Variants in TCF4 observed in about 807,000 individuals in gnomAD.
TCF4 encodes the protein SL3-3 enhancer factor 2.
TCF4 carries 3 observed loss-of-function variants against 82.1 expected under a neutral mutation model. That is an observed-to-expected ratio of 0.04 (90% confidence interval 0.02 to 0.09). TCF4 has a LOEUF of 0.09. Ranked by LOEUF, TCF4 falls within the 10% of genes least tolerant of loss-of-function variation. The probability of loss-of-function intolerance (pLI) is 1.00; values close to 1 mark genes in which losing one functional copy is unlikely to be tolerated. For missense variants in TCF4, 518 were observed against 852.7 expected, an observed-to-expected ratio of 0.61 and a Z score of 4.89; for synonymous variants, 276 against 309.6, an observed-to-expected ratio of 0.89 and a Z score of 1.14.
chr18:55,483,521 A>G (rs2096471735), intron 3 of TCF4, among the ~76,000 whole-genome samples: 2 of 152,218 alleles, frequency 1.3e-5, no homozygotes. Context: ...AGTGATTTCT[A>G]TAGTAAAAAT....
upstream of TCF4, chr18:55,589,499 T>C: frequency 4.8e-6 from 5 of 1,052,052 alleles, no homozygotes; most frequent in Admixed American, 5.5e-5. Flanking sequence ...ACCATAAAAC[T>C]GCAACAAAAT....
intron 3 of TCF4, among the ~76,000 whole-genome samples, chr18:55,574,581 C>A (rs1418997623): frequency 6.6e-6 from 1 of 152,132 alleles, no homozygotes; most frequent in Non-Finnish European, 1.5e-5. Flanking sequence ...TCAAATGATC[C>A]GCCTGCCTTG....
chr18:55,549,784 T>C (rs1365798109), intron 3 of TCF4, among the ~76,000 whole-genome samples: 3 of 151,998 alleles, frequency 2.0e-5, no homozygotes, highest in African/African-American at 4.8e-5. Flanking sequence ...ATAAGAAATA[T>C]AGATAGGAAT....
intron 3 of TCF4, among the ~76,000 whole-genome samples, chr18:55,564,399 G>A (rs2097382980): frequency 6.6e-6 from 1 of 152,226 alleles, no homozygotes; most frequent in South Asian, 2.1e-4. Flanking sequence ...GTGAAATATG[G>A]ATTCAACAGG....
chr18:55,381,728 C>T (rs1383790957), intron 6 of TCF4, among the ~76,000 whole-genome samples: 2 of 151,590 alleles, frequency 1.3e-5, no homozygotes, highest in Admixed American at 6.6e-5. Flanking sequence ...CGGTTTTATA[C>T]TCAATCCCGC....
intron 10 of TCF4, among the ~76,000 whole-genome samples, chr18:55,274,367 A>G (rs1438135892): frequency 1.3e-5 from 2 of 152,180 alleles, no homozygotes; most frequent in East Asian, 3.9e-4. Context: ...GGCCAATACC[A>G]TTTCCACTGT....
At chr18:55,276,189 TA>T (rs1023210995) in intron 9 of TCF4, among the ~76,000 whole-genome samples, 1 of 152,182 alleles carries the variant, frequency 6.6e-6, no homozygotes, top group South Asian at 2.1e-4. Flanking sequence ...GTATTAATTT[TA>T]AAAAATCTCA....
chr18:55,447,659 C>A (rs2095549519), intron 5 of TCF4, among the ~76,000 whole-genome samples: 1 of 152,076 alleles, frequency 6.6e-6, no homozygotes, highest in Non-Finnish European at 1.5e-5. Flanking sequence ...TACTGAGGAC[C>A]ATATGATTGC....
chr18:55,441,484 T>C (rs1458790484), intron 5 of TCF4, among the ~76,000 whole-genome samples: 1 of 152,232 alleles, frequency 6.6e-6, no homozygotes, highest in Non-Finnish European at 1.5e-5. Flanking sequence ...GTCCATGTTC[T>C]GGCAGTCTTT....
chr18:55,302,599 G>A, intron 8 of TCF4: 1 of 1,529,708 alleles, frequency 6.5e-7, no homozygotes, highest in Non-Finnish European at 8.7e-7. Flanking sequence ...AGGGAGAGAG[G>A]GAACTTCATG....
At chr18:55,509,468 C>G (rs928325286) in intron 3 of TCF4, among the ~76,000 whole-genome samples, 1 of 152,124 alleles carries the variant, frequency 6.6e-6, no homozygotes, top group African/African-American at 2.4e-5. Context: ...TTTGATGTCT[C>G]TCTTGACAGT....
chr18:55,266,872 G>T (rs1384600832), intron 11 of TCF4: 1 of 152,142 alleles, frequency 6.6e-6, no homozygotes, highest in Admixed American at 6.6e-5. Context: ...TTACAGAGAG[G>T]TTCCCTTCCG....
intron 6 of TCF4, among the ~76,000 whole-genome samples, chr18:55,352,247 T>G (rs2082461555): frequency 1.3e-5 from 2 of 152,118 alleles, no homozygotes; most frequent in South Asian, 4.1e-4. Flanking sequence ...CCTAAATAGC[T>G]CAACAAAGTG....
intron 3 of TCF4, among the ~76,000 whole-genome samples, chr18:55,486,263 G>T (rs78805214): frequency 2.0e-5 from 3 of 152,156 alleles, no homozygotes; most frequent in Non-Finnish European, 4.4e-5. Context: ...AAAAGGAGAC[G>T]GAAGTTTCCT....
At chr18:55,617,543 T>C (rs1289023541) in intron 2 of TCF4, among the ~76,000 whole-genome samples, 1 of 152,102 alleles carries the variant, frequency 6.6e-6, no homozygotes, top group Non-Finnish European at 1.5e-5. Context: ...ATTTAAGCAA[T>C]ATTGTCTTCC....
intron 3 of TCF4, among the ~76,000 whole-genome samples, chr18:55,518,803 A>T: frequency 6.6e-6 from 1 of 152,322 alleles, no homozygotes; most frequent in African/African-American, 2.4e-5. Flanking sequence ...GAAAGAGAAT[A>T]AAGAAGTGTG....
chr18:55,502,114 C>A (rs777824279), intron 3 of TCF4, among the ~76,000 whole-genome samples: 7 of 152,178 alleles, frequency 4.6e-5, no homozygotes, highest in Non-Finnish European at 2.9e-5. Context: ...GACAGGTTTT[C>A]TCTCTCTTTT....
intron 4 of TCF4, 116 bp downstream of exon 4, chr18:55,463,960 G>C: frequency 1.3e-6 from 1 of 798,538 alleles, no homozygotes; most frequent in Non-Finnish European, 2.2e-6. Context: ...GTGTGTGTGT[G>C]TGTGTGTGTG....
intron 6 of TCF4, among the ~76,000 whole-genome samples, chr18:55,359,196 G>A (rs2084409539): frequency 6.6e-6 from 1 of 152,116 alleles, no homozygotes; most frequent in Non-Finnish European, 1.5e-5. Flanking sequence ...CTCCACCTCT[G>A]CTCTCCACAG....
Sources: gnomAD v4.1 joint callset for allele counts (sites outside exome capture counted in the v4.1 genomes callset) on GRCh38, gnomAD v4.1.1 for gene constraint, MANE v1.5 for transcripts, NCBI Gene and HGNC (gene_info 2026-07-23, HGNC 2026-07-21) for gene names.